Variants in PDE10A observed in about 807,000 individuals in gnomAD.
The protein encoded by PDE10A is cAMP and cAMP-inhibited cGMP 3',5'-cyclic phosphodiesterase 10A.
A neutral mutation model predicts 97.7 loss-of-function variants in PDE10A; 39 were observed. The ratio of observed to expected loss-of-function variants is 0.40; its 90% CI spans 0.31 to 0.52. The LOEUF (loss-of-function observed/expected upper bound fraction) is 0.52, where lower values mean the gene tolerates loss of function less well. PDE10A is among the 20% of genes least tolerant of loss of function. The pLI, the probability that PDE10A is intolerant of heterozygous loss-of-function variation, is 0.56. For missense variants in PDE10A, 731 were observed against 1,047.8 expected (o/e 0.70, Z 4.17); for synonymous variants, 371 against 376.8 (o/e 0.98, Z 0.18).
intron 1 of PDE10A, among the ~76,000 whole-genome samples, chr6:165,861,315 C>T (rs1780894095): frequency 6.6e-6 from 1 of 151,942 alleles, no homozygotes; most frequent in Non-Finnish European, 1.5e-5. Flanking sequence ...GACAAACCTT[C>T]CTGCCCTCTT....
At chr6:165,537,610 A>G (rs1167885387) in intron 2 of PDE10A, among the ~76,000 whole-genome samples, 2 of 151,966 alleles carry the variant, frequency 1.3e-5, no homozygotes, top group East Asian at 1.9e-4. Flanking sequence ...CATCTTTATG[A>G]TAATGTGAAC....
intron 1 of PDE10A, among the ~76,000 whole-genome samples, chr6:165,629,586 T>G (rs936251923): frequency 1.4e-5 from 2 of 145,756 alleles, no homozygotes; most frequent in Non-Finnish European, 3.0e-5. Flanking sequence ...AGTGCAGGAG[T>G]GCGATGGTGC....
At chr6:165,546,010 T>C (rs1221229824) in intron 1 of PDE10A, among the ~76,000 whole-genome samples, 1 of 151,974 alleles carries the variant, frequency 6.6e-6, no homozygotes, top group African/African-American at 2.4e-5. Context: ...CTGGAAGCAA[T>C]CAAGATGTCC....
chr6:165,654,689 A>G (rs971608551), intron 1 of PDE10A, among the ~76,000 whole-genome samples: 1 of 152,148 alleles, frequency 6.6e-6, no homozygotes, highest in African/African-American at 2.4e-5. Flanking sequence ...CTACCTGCCC[A>G]CAGCTGAGAT....
intron 1 of PDE10A, among the ~76,000 whole-genome samples, chr6:165,727,959 G>GT (rs369750422): frequency 6.6e-6 from 1 of 152,078 alleles, no homozygotes. Flanking sequence ...GTTGTGTTTT[G>GT]TTTTTTTATT....
intron 18 of PDE10A, among the ~76,000 whole-genome samples, chr6:165,352,156 T>G (rs1782736698): frequency 6.6e-6 from 1 of 152,186 alleles, no homozygotes; most frequent in South Asian, 2.1e-4. Flanking sequence ...ACCCAGACAA[T>G]TTGAGAATTA....
intron 1 of PDE10A, among the ~76,000 whole-genome samples, chr6:165,952,795 A>G (rs771539892): frequency 5.9e-5 from 9 of 152,004 alleles, no homozygotes; most frequent in Non-Finnish European, 8.8e-5. Flanking sequence ...ACTGGGCTCC[A>G]TCCACTTTGC....
chr6:165,749,943 C>A (rs1792959107), intron 1 of PDE10A, among the ~76,000 whole-genome samples: 1 of 152,168 alleles, frequency 6.6e-6, no homozygotes, highest in African/African-American at 2.4e-5. Flanking sequence ...ATAGACAATG[C>A]ACCTCATGGA....
chr6:165,699,718 A>C (rs1791522270), intron 1 of PDE10A, among the ~76,000 whole-genome samples: 1 of 152,244 alleles, frequency 6.6e-6, no homozygotes, highest in Non-Finnish European at 1.5e-5. Context: ...TGGAAATTAA[A>C]CACATTCTTA....
At chr6:165,361,228 C>A (rs1231607276) in intron 18 of PDE10A, among the ~76,000 whole-genome samples, 2 of 152,128 alleles carry the variant, frequency 1.3e-5, no homozygotes, top group East Asian at 3.9e-4. Flanking sequence ...GTACAGAGCA[C>A]TCCACCAAAC....
intron 1 of PDE10A, among the ~76,000 whole-genome samples, chr6:165,644,297 G>A (rs757956959): frequency 1.6e-4 from 25 of 152,102 alleles, no homozygotes; most frequent in Non-Finnish European, 2.5e-4. Flanking sequence ...TCCTGACCTC[G>A]TGATCTGCCG....
At chr6:165,679,513 C>G (rs1308266772) in intron 1 of PDE10A, among the ~76,000 whole-genome samples, 1 of 152,232 alleles carries the variant, frequency 6.6e-6, no homozygotes, top group Non-Finnish European at 1.5e-5. Flanking sequence ...CCGCCCCCTC[C>G]TCCTGACAGG....
In PDE10A at chr6:165,687,435, A is replaced by G. The variant is rs60749536; in HGVS notation, c.-614-143867T>C. Among the ~76,000 whole-genome samples, 146 of 152,342 alleles carry G rather than the reference A, an allele frequency of 9.6e-4. 2 individuals carry two copies. The highest frequency in any genetic ancestry group is 3.4e-3 in the African/African-American group (140 of 41,572). ...GTCGCAACATTGAGAACACCGTGAG[A>G]AAAAAGTTTCAGCTCTGAACTATCA... On this transcript the variant is annotated intron_variant, in intron 1 of 19. Transcript: ENST00000366882.
At chr6:165,772,462 C>T (rs762564779) in intron 1 of PDE10A, among the ~76,000 whole-genome samples, 2 of 152,176 alleles carry the variant, frequency 1.3e-5, no homozygotes, top group African/African-American at 4.8e-5. Flanking sequence ...CTCCATGCGG[C>T]GTCCTAGGGC....
intron 1 of PDE10A, among the ~76,000 whole-genome samples, chr6:165,632,144 G>A (rs988309058): frequency 7.3e-6 from 1 of 137,874 alleles, no homozygotes; most frequent in African/African-American, 2.6e-5. Context: ...AGGTTGCAGT[G>A]AGCCAAGATT....
chr6:165,468,273 AGAGATGG>A (rs1778781299), intron 3 of PDE10A, among the ~76,000 whole-genome samples: 3 of 149,370 alleles, frequency 2.0e-5, no homozygotes, highest in Non-Finnish European at 3.0e-5. Flanking sequence ...TTTTTTTAGT[AGAGATGG>A]GGTTTCACCA....
At chr6:165,337,893 T>G (rs1163198748) in intron 20 of PDE10A, among the ~76,000 whole-genome samples, 3 of 151,880 alleles carry the variant, frequency 2.0e-5, no homozygotes, top group African/African-American at 7.3e-5. Context: ...TCCAAACAAG[T>G]CAATAAATCA....
At chr6:165,543,822 G>T (rs953623075) in intron 1 of PDE10A, among the ~76,000 whole-genome samples, 1 of 147,490 alleles carries the variant, frequency 6.8e-6, no homozygotes, top group South Asian at 2.2e-4. Context: ...TAAATTGTAC[G>T]CTTAAAACAG....
chr6:165,954,953 T>C (rs190149631), intron 1 of PDE10A, among the ~76,000 whole-genome samples: 1 of 151,990 alleles, frequency 6.6e-6, no homozygotes, highest in East Asian at 1.9e-4. Flanking sequence ...AGCAAAAAAC[T>C]CAACAAACTC....
Sources: allele counts gnomAD v4.1 joint callset (sites outside exome capture counted in the v4.1 genomes callset), GRCh38; gene constraint gnomAD v4.1.1; transcripts MANE v1.5; gene names NCBI Gene and HGNC (gene_info 2026-07-23, HGNC 2026-07-21).